The following CPLANE1 variants were observed in gnomAD, a reference collection of about 807,000 sequenced individuals.
CPLANE1 encodes the protein ciliogenesis and planar polarity effector 1.
CPLANE1 carries 263 observed loss-of-function variants against 362.5 expected under a neutral mutation model. That is an observed-to-expected ratio of 0.73 (90% CI 0.66 to 0.80). The LOEUF is 0.80. Ranked by LOEUF, CPLANE1 falls within the 30% of genes least tolerant of loss-of-function variation. The pLI, the probability that CPLANE1 is intolerant of heterozygous loss-of-function variation, is 0.00. For missense variants in CPLANE1, 3,461 were observed against 3,793.4 expected, an observed-to-expected ratio of 0.91 and a Z score of 2.30; for synonymous variants, 1,212 against 1,302.6, an observed-to-expected ratio of 0.93 and a Z score of 1.50.
intron 44 of CPLANE1, 34 bp from the exon 45 acceptor site, chr5:37,139,404 G>T (rs1768947126): frequency 1.4e-5 from 16 of 1,136,386 alleles, no homozygotes; most frequent in South Asian, 5.5e-5. Context: ...AAAAATTTTG[G>T]GTTTTTTTTT....
intron 18 of CPLANE1, among the ~76,000 whole-genome samples, chr5:37,204,299 C>G (rs1263540943): frequency 6.6e-6 from 1 of 152,170 alleles, no homozygotes; most frequent in Non-Finnish European, 1.5e-5. Context: ...TCACTCTTTA[C>G]TGGAGCAAAG....
At chr5:37,105,361 A>T (rs908327581), downstream of CPLANE1, among the ~76,000 whole-genome samples, 15 of 152,148 alleles carry the variant, frequency 9.9e-5, no homozygotes, top group African/African-American at 3.6e-4. Flanking sequence ...ACTATCAATA[A>T]ATCCATGCAT....
At position 37,138,706 on chromosome 5, in the gene CPLANE1, T is replaced by C. The variant is rs1373544826; in HGVS notation, c.8792+14A>G. The stretch of plus-strand genomic sequence containing the variant: ...CATTTTAAACAGGTTAAAAATGAAT[T>C]ATTCAATGATTACCTGGAGGTGCCC... On this transcript the variant is annotated intron_variant, in intron 46 of 52. Transcript: ENST00000651892. The C allele has an allele frequency of 2.5e-6, 4 of 1,595,972 alleles. No individual in the cohort carries two copies. Among genetic ancestry groups the C allele is most frequent in the Non-Finnish European group, 3.4e-6 (4 of 1,175,090 alleles).
chr5:37,237,292 T>A (rs1054625654), intron 8 of CPLANE1, among the ~76,000 whole-genome samples: 5 of 152,216 alleles, frequency 3.3e-5, no homozygotes. Flanking sequence ...TCATGTCTTT[T>A]GCAGTAACAT....
Position 37,247,761 on chromosome 5 carries a change from G to A in CPLANE1, c.-47-16C>T. ...TCCCAAGATTCTGTAAACAATAATA[G>A]TAATAAAATATAAATGATGCATAAT... On this transcript the variant is annotated splice_polypyrimidine_tract_variant and intron_variant, in intron 1 of 52. Coordinates refer to ENST00000651892, the MANE Select transcript of CPLANE1 (RefSeq NM_001384732.1). 1 of 1,411,126 alleles carries A rather than the reference G, an allele frequency of 7.1e-7. No homozygotes were observed. 87.4% of individuals were successfully genotyped at this position (1,411,126 alleles called of 1,614,324 possible).
intron 21 of CPLANE1, among the ~76,000 whole-genome samples, chr5:37,195,275 A>G (rs1053858526): frequency 6.6e-6 from 1 of 152,132 alleles, no homozygotes. Flanking sequence ...TAAACTTGTT[A>G]GGCAAATAAC....
chr5:37,127,838 T>C lies in CPLANE1; in HGVS notation c.8793-2429A>G, dbSNP rs1764650394. 3.3e-5 allele frequency among the ~76,000 whole-genome samples: 5 copies of C among 152,148 alleles called. No individual in the cohort carries two copies. The South Asian group carries it at 1.0e-3, about 32-fold the overall frequency. On this transcript the variant is annotated intron_variant, in intron 46 of 52. Transcript: ENST00000651892. Reference sequence around the variant, plus strand: ...GCCATTATTTAATTAAATTTATTTATTTATTTATTTATTTGTGTTTTTGAA... The same window carrying C: ...GCCATTATTTAATTAAATTTATTTACTTATTTATTTATTTGTGTTTTTGAA...
intron 2 of CPLANE1, chr5:37,246,390 A>G (rs1019225253): frequency 1.3e-5 from 2 of 151,904 alleles, no homozygotes; most frequent in African/African-American, 4.8e-5. Context: ...GGTATAGCAC[A>G]CTGCAGCCCA....
intron 28 of CPLANE1, 118 bp from the exon 29 acceptor site, chr5:37,179,561 T>C: frequency 1.5e-6 from 1 of 674,764 alleles, no homozygotes; most frequent in Non-Finnish European, 2.6e-6. Context: ...TTTTCTATCC[T>C]TTTTATAAAG....
At chr5:37,188,005 T>C (rs1784508997) in intron 21 of CPLANE1, among the ~76,000 whole-genome samples, 163 bp from the exon 22 acceptor site, 2 of 152,212 alleles carry the variant, frequency 1.3e-5, no homozygotes, top group Non-Finnish European at 2.9e-5. Flanking sequence ...AGTCCTTATA[T>C]AAAAGTCATG....
chr5:37,139,221 A>T (rs1768861564), intron 45 of CPLANE1, 119 bp downstream of exon 45: 1 of 996,846 alleles, frequency 1.0e-6, no homozygotes, highest in Non-Finnish European at 1.4e-6. Flanking sequence ...ATGAAAACTT[A>T]TATTCCTTTA....
Position 37,121,653 on chromosome 5 carries a change from T to C in CPLANE1, c.9149A>G (p.Gln3050Arg), listed in dbSNP as rs1348541209. The C allele has an allele frequency of 6.2e-7, 1 of 1,614,038 alleles. No homozygotes were observed. Among genetic ancestry groups the C allele is most frequent in the Non-Finnish European group, 8.5e-7 (1 of 1,180,026 alleles). The change falls in exon 49 of 53, where the codon CAG becomes CGG. Residue 3050 changes from glutamine (Q) to arginine (R), a missense_variant. Around this residue, in one of 2 missense-constraint regions of CPLANE1, gnomAD observed 3,380 missense variants for 3,666.1 expected, o/e 0.92. Transcript: ENST00000651892. The part of the protein sequence containing the change: ...KPLPNKPSPT[Q>R]SSSCQHCPSP... ...AGGGCAGTGTTGACAACTGGAAGAC[T>C]GAGTAGGGCTGGGTTTGTTAGGCAA...
At chr5:37,108,937 C>T (rs1349170737) in intron 51 of CPLANE1, among the ~76,000 whole-genome samples, 2 of 152,186 alleles carry the variant, frequency 1.3e-5, no homozygotes, top group Non-Finnish European at 2.9e-5. Flanking sequence ...CATTATGACC[C>T]TCTTTCTTCT....
In CPLANE1 at chr5:37,157,730, ACT is replaced by A. The variant is rs1311480329; in HGVS notation, c.7949_7950del (p.Glu2650ValfsTer10). 1 of 1,613,986 alleles carries A rather than the reference ACT, an allele frequency of 6.2e-7. No individual in the cohort carries two copies. Among genetic ancestry groups the A allele is most frequent in the East Asian group, 2.2e-5 (1 of 44,852 alleles). On this transcript the variant is annotated frameshift_variant, in exon 40 of 53. Transcript: ENST00000651892. LOFTEE classifies it high-confidence loss of function. Reference protein sequence around the residue: ...SDHLAVPSSAELHYMAASVTN... With the variant: ...SDHLAVPSSAXLHYMAASVTN... ...GTAACTGAAGCTGCCATATAATGTA[ACT>A]CTGCAGACGATGGAACTGCTAGATG... is the stretch of plus-strand genomic sequence containing the variant.
At chr5:37,145,424 GA>G (rs2150468588) in intron 43 of CPLANE1, among the ~76,000 whole-genome samples, 1 of 152,236 alleles carries the variant, frequency 6.6e-6, no homozygotes, top group Admixed American at 6.5e-5. Flanking sequence ...AATTTAAAAT[GA>G]AAAAAATTTT....
chr5:37,236,537 T>C (rs1389801468), intron 8 of CPLANE1, among the ~76,000 whole-genome samples: 1 of 151,938 alleles, frequency 6.6e-6, no homozygotes, highest in Non-Finnish European at 1.5e-5. Context: ...TATGACCACA[T>C]CCTCAAAAGC....
At chr5:37,211,113 G>A (rs1561617913) in intron 16 of CPLANE1, 2 of 1,068,860 alleles carry the variant, frequency 1.9e-6, no homozygotes, top group Non-Finnish European at 2.9e-6. Flanking sequence ...TCACAATGGT[G>A]AGATAAGTGG....
chr5:37,094,858 A>G, the CPLANE1 span, among the ~76,000 whole-genome samples: 1 of 152,208 alleles, frequency 6.6e-6, no homozygotes, highest in Non-Finnish European at 1.5e-5. Flanking sequence ...TCCTGGAAAG[A>G]TACAACCCTC....
At position 37,138,712 on chromosome 5, in the gene CPLANE1, A is replaced by G. The variant is rs777670422; in HGVS notation, c.8792+8T>C. On this transcript the variant is annotated splice_region_variant and intron_variant, in intron 46 of 52. Coordinates refer to ENST00000651892, the MANE Select transcript of CPLANE1 (RefSeq NM_001384732.1). ...AAACAGGTTAAAAATGAATTATTCA[A>G]TGATTACCTGGAGGTGCCCATAGCT... The G allele has an allele frequency of 4.4e-6, 7 of 1,599,830 alleles. No homozygotes were observed. The highest frequency in any genetic ancestry group is 4.5e-5 in the East Asian group (2 of 44,706).
Sources: gnomAD v4.1 joint callset for allele counts (sites outside exome capture counted in the v4.1 genomes callset) on GRCh38, gnomAD v4.1.1 for gene constraint, gnomAD v4.1.1 regional missense constraint, MANE v1.5 for transcripts, NCBI Gene and HGNC (gene_info 2026-07-23, HGNC 2026-07-21) for gene names.